The following TTC4 variants were observed in gnomAD, a reference collection of about 807,000 sequenced individuals.
The protein encoded by TTC4 is tetratricopeptide repeat domain 4, also known as hsp70/Hsp90 co-chaperone CNS1 homolog.
A neutral mutation model predicts 51.9 loss-of-function variants in TTC4; 36 were observed. The ratio of observed to expected loss-of-function variants is 0.69; its 90% CI spans 0.53 to 0.92. The LOEUF is 0.92. Among genes scored for constraint, TTC4 ranks in the 40% least tolerant of loss-of-function variants. The pLI, the probability that TTC4 is intolerant of heterozygous loss-of-function variation, is 0.00. For synonymous variants in TTC4, 144 were observed against 164.2 expected, an observed-to-expected ratio of 0.88 and a Z score of 0.94; for missense variants, 399 against 454.6, an observed-to-expected ratio of 0.88 and a Z score of 1.11.
chr1:54,734,071 CTTTT>C (rs879553610), intron 8 of TTC4, among the ~76,000 whole-genome samples: 1 of 149,830 alleles, frequency 6.7e-6, no homozygotes, highest in African/African-American at 2.4e-5. Context: ...TCAGAATTTC[CTTTT>C]TTTTTTAAAT....
Position 54,736,229 on chromosome 1 carries a change from AGAGGAGAGAG to A in TTC4, c.979-1352_979-1343del, listed in dbSNP as rs1645937624. On this transcript the variant is annotated intron_variant, in intron 8 of 9. Transcript: ENST00000371281. ...GAGAGAGAGAGAGAGAGAGAAGAGG[AGAGGAGAGAG>A]AAGAGAGGAGAGAGGAGAGAGAGAG... Among the ~76,000 whole-genome samples the A allele has an allele frequency of 5.1e-5, 6 of 118,218 alleles. 2 individuals are homozygous for A. Among genetic ancestry groups the A allele is most frequent in the African/African-American group, 2.6e-4 (6 of 23,478 alleles). 77.6% of individuals were successfully genotyped at this position (118,218 alleles called of 152,430 possible).
At chr1:54,724,635 G>C (rs547903575) in intron 5 of TTC4, among the ~76,000 whole-genome samples, 2 of 152,266 alleles carry the variant, frequency 1.3e-5, no homozygotes, top group African/African-American at 4.8e-5. Context: ...AATTCTAAAT[G>C]TGTAGGCACC....
chr1:54,720,499 T>C (rs1231196480), intron 3 of TTC4, among the ~76,000 whole-genome samples: 1 of 147,854 alleles, frequency 6.8e-6, no homozygotes, highest in African/African-American at 2.6e-5. Flanking sequence ...TTTAGTTTTT[T>C]TTTTTTTTTA....
chr1:54,735,575 C>T lies in TTC4; in HGVS notation c.978+1865C>T, dbSNP rs191760593. Among the ~76,000 whole-genome samples, 188 of 152,264 alleles carry T rather than the reference C, an allele frequency of 1.2e-3. 1 individual carries two copies. The highest frequency in any genetic ancestry group is 4.3e-3 in the African/African-American group (179 of 41,536). On this transcript the variant is annotated intron_variant, in intron 8 of 9. Coordinates refer to ENST00000371281, the MANE Select transcript of TTC4 (RefSeq NM_004623.5). ...CAGAAGTGATGCTGTATTCTCATTGCACCTATCAGATGGTACATAATCTCC... is the reference window on the plus strand; with the variant it reads ...CAGAAGTGATGCTGTATTCTCATTGTACCTATCAGATGGTACATAATCTCC...
At chr1:54,722,929 C>G in intron 5 of TTC4, 130 bp downstream of exon 5, 6 of 1,211,484 alleles carry the variant, frequency 5.0e-6, no homozygotes, top group Non-Finnish European at 6.8e-6. Flanking sequence ...TCCTGGAACT[C>G]TGTGGAGCAC....
At chr1:54,737,701 A>G in intron 9 of TTC4, 37 bp downstream of exon 9, 1 of 1,586,680 alleles carries the variant, frequency 6.3e-7, no homozygotes. Context: ...ATTGGGGAAG[A>G]TGCTCAGTGT....
chr1:54,730,750 C>G (rs1182399103), intron 6 of TTC4, among the ~76,000 whole-genome samples: 1 of 151,738 alleles, frequency 6.6e-6, no homozygotes, highest in African/African-American at 2.4e-5. Context: ...CACACTCTTT[C>G]TAGTATTCCA....
At chr1:54,718,086 A>G (rs1001597126) in intron 3 of TTC4, among the ~76,000 whole-genome samples, 2 of 152,204 alleles carry the variant, frequency 1.3e-5, no homozygotes, top group African/African-American at 4.8e-5. Flanking sequence ...CCTTTGAGTT[A>G]AAAATATTTT....
At position 54,728,733 on chromosome 1, in the gene TTC4, G is replaced by C. The variant is rs565431399; in HGVS notation, c.681+301G>C. On this transcript the variant is annotated intron_variant, in intron 6 of 9. Transcript: ENST00000371281. ...ATCTCAAATAGTTCCAAACCTGATT[G>C]CCATCAGTCAGAACACATTTCTGTT... Among the ~76,000 whole-genome samples the C allele has an allele frequency of 3.9e-5, 6 of 152,246 alleles. No individual in the cohort carries two copies. The South Asian group carries it at 1.2e-3, about 32-fold the overall frequency.
chr1:54,724,556 A>G (rs1645778571), intron 5 of TTC4, among the ~76,000 whole-genome samples: 1 of 152,192 alleles, frequency 6.6e-6, no homozygotes, highest in South Asian at 2.1e-4. Flanking sequence ...TACAGGCATG[A>G]GCCACTGTGC....
At chr1:54,717,086 T>G (rs1031865215) in intron 2 of TTC4, among the ~76,000 whole-genome samples, 1 of 152,160 alleles carries the variant, frequency 6.6e-6, no homozygotes, top group Non-Finnish European at 1.5e-5. Context: ...TCTTTGTAAT[T>G]TTGTAGGCTT....
intron 8 of TTC4, 152 bp from the exon 9 acceptor site, chr1:54,737,430 G>A (rs1017779988): frequency 4.0e-5 from 24 of 602,324 alleles, no homozygotes; most frequent in African/African-American, 2.8e-4. Context: ...TGGCGGGGGG[G>A]TACTAAATGC....
chr1:54,722,656 A>AGGGTTCT lies in TTC4; in HGVS notation c.470-10_470-4dup. The AGGGTTCT allele has an allele frequency of 6.2e-7, 1 of 1,607,962 alleles. No individual in the cohort carries two copies. The highest frequency in any genetic ancestry group is 8.5e-7 in the Non-Finnish European group (1 of 1,178,464). Reference sequence around the variant, plus strand: ...CCATGCATGTTTTTCTTGAATCCTAAGGGTTCTGGGTTCTGCAGGTGCCTT... The same window carrying AGGGTTCT: ...CCATGCATGTTTTTCTTGAATCCTAAGGGTTCTGGGTTCTGGGTTCTGCAGGTGCCTT... On this transcript the variant is annotated intron_variant, in intron 4 of 9. Transcript: ENST00000371281.
intron 8 of TTC4, 65 bp downstream of exon 8, chr1:54,733,775 C>A (rs1379671717): frequency 2.8e-6 from 2 of 712,330 alleles, no homozygotes; most frequent in Non-Finnish European, 2.0e-6. Context: ...TTTTTTTTTG[C>A]GGCGGGGGAA....
Position 54,741,451 on chromosome 1 carries a change from G to A in TTC4, c.1102G>A (p.Val368Ile). The A allele has an allele frequency of 6.2e-7, 1 of 1,614,178 alleles. No homozygotes were observed. Among genetic ancestry groups the A allele is most frequent in the Non-Finnish European group, 8.5e-7 (1 of 1,180,040 alleles). ...KALTPAFLVC[V>I]GSSPFCKNFL... ...CCTGACACCAGCATTTTTGGTCTGTGTAGGATCCTCTCCTTTTTGCAAGAA... is the reference window on the plus strand; with the variant it reads ...CCTGACACCAGCATTTTTGGTCTGTATAGGATCCTCTCCTTTTTGCAAGAA... Residue 368 changes from valine (V) to isoleucine (I), a missense_variant, in exon 10 of 10, where the codon GTA becomes ATA. This residue lies in a region of TTC4 where 64 missense variants were observed against 61.3 expected (regional missense o/e 1.04). Transcript: ENST00000371281.
intron 6 of TTC4, among the ~76,000 whole-genome samples, chr1:54,729,285 A>T (rs1016431216): frequency 6.6e-6 from 1 of 152,236 alleles, no homozygotes; most frequent in Non-Finnish European, 1.5e-5. Context: ...TTTTCAGACC[A>T]TGGTTGACCA....
intron 1 of TTC4, among the ~76,000 whole-genome samples, 195 bp from the exon 2 acceptor site, chr1:54,716,405 A>G (rs868475777): frequency 6.6e-6 from 1 of 152,346 alleles, no homozygotes; most frequent in Non-Finnish European, 1.5e-5. Context: ...GTAGAATGTG[A>G]GAACTAAAAC....
chr1:54,727,607 T>G (rs1491000677), intron 5 of TTC4, among the ~76,000 whole-genome samples: 12 of 151,500 alleles, frequency 7.9e-5, no homozygotes, highest in African/African-American at 2.7e-4. Context: ...ATCCTAGCAT[T>G]TTGGGAGGCC....
In TTC4 at chr1:54,735,996, A is replaced by AT. The variant is rs368728590; in HGVS notation, c.979-1580dup. ...CCTTGCCCCAGCTCTGGAATTAGCT[A>AT]TTTTTTCCCAAGAAGCCCTGGTTCT... On this transcript the variant is annotated intron_variant, in intron 8 of 9. Transcript: ENST00000371281. 3.5e-3 allele frequency among the ~76,000 whole-genome samples: 529 copies of AT among 152,092 alleles called. 2 individuals are homozygous for AT. The highest frequency in any genetic ancestry group is 4.6e-3 in the Non-Finnish European group (313 of 68,002).
Sources: gnomAD v4.1 joint callset for allele counts (sites outside exome capture counted in the v4.1 genomes callset) on GRCh38, gnomAD v4.1.1 for gene constraint, gnomAD v4.1.1 regional missense constraint, MANE v1.5 for transcripts, NCBI Gene and HGNC (gene_info 2026-07-23, HGNC 2026-07-21) for gene names.